Variants in ZNF875 observed in about 807,000 individuals in gnomAD.
The protein encoded by ZNF875 is HKR1, GLI-Kruppel zinc finger family member.
A neutral mutation model predicts 11.2 loss-of-function variants in ZNF875; 14 were observed. That is an observed-to-expected ratio of 1.26 (90% CI 0.83 to 1.96). The LOEUF (loss-of-function observed/expected upper bound fraction) is 1.96, where lower values mean the gene tolerates loss of function less well. Ranked by LOEUF, ZNF875 falls within the 30% of genes most tolerant of loss-of-function variation. The probability of loss-of-function intolerance (pLI) is 0.00; values close to 1 mark genes in which losing one functional copy is unlikely to be tolerated. For synonymous variants in ZNF875, 301 were observed against 281.1 expected (o/e 1.07, Z -0.71); for missense variants, 752 against 760.4 (o/e 0.99, Z 0.13).
chr19:37,362,367 G>T lies in ZNF875; in HGVS notation c.515G>T (p.Gly172Val). ...CTGTTTGGGAGAGTAAGCAAAAATG[G>T]CACTTCAAAGGCACTTTCCAGCCCA... ...RLLFGRVSKN[G>V]TSKALSSPPE... The change falls in exon 5 of 5, where the codon GGC becomes GTC. Residue 172 changes from glycine (G) to valine (V), a missense_variant. Transcript: ENST00000392153. 6.2e-7 allele frequency: 1 copy of T among 1,614,108 alleles called. No homozygotes were observed. Among genetic ancestry groups the T allele is most frequent in the Non-Finnish European group, 8.5e-7 (1 of 1,180,036 alleles).
At chr19:37,332,580 C>T (rs564286377), upstream of ZNF875, among the ~76,000 whole-genome samples, 1 of 152,208 alleles carries the variant, frequency 6.6e-6, no homozygotes, top group South Asian at 2.1e-4. Context: ...TAGCCTCATT[C>T]TACAGGTTTA....
chr19:37,339,869 C>G (rs1600027284), intron 2 of ZNF875, among the ~76,000 whole-genome samples: 1 of 151,502 alleles, frequency 6.6e-6, no homozygotes, highest in Admixed American at 6.6e-5. Context: ...TGGCCCTGAA[C>G]CCTGCCAGTT....
intron 2 of ZNF875, chr19:37,345,011 C>CTAG: frequency 2.3e-6 from 1 of 430,748 alleles, no homozygotes; most frequent in Non-Finnish European, 4.3e-6. Flanking sequence ...TACCCATCAC[C>CTAG]TAGATTCTCA....
chr19:37,344,644 T>C (rs1291720284), intron 2 of ZNF875: 2 of 1,585,860 alleles, frequency 1.3e-6, no homozygotes, highest in Admixed American at 1.7e-5. Flanking sequence ...CCCAAGCTTC[T>C]AGCTGTGTTT....
rs756411178 is a variant in ZNF875 at position 37,362,267 on chromosome 19, C to A, written c.415C>A (p.Gln139Lys). Reference sequence around the variant, plus strand: ...CCTGGGAAAACACTATCCAGAAGATCAGAAACAACAGCAGGATCCATTCTG... The same window carrying A: ...CCTGGGAAAACACTATCCAGAAGATAAGAAACAACAGCAGGATCCATTCTG... ...LHLGKHYPED[Q>K]KQQQDPFCFS... Residue 139 changes from glutamine (Q) to lysine (K), a missense_variant, in exon 5 of 5, where the codon CAG becomes AAG. Transcript: ENST00000392153. 12 of 1,614,164 alleles carry A rather than the reference C, an allele frequency of 7.4e-6. No homozygotes were observed. In the South Asian group the frequency reaches 1.1e-4, roughly 15 times the overall value.
Position 37,363,787 on chromosome 19 carries a change from G to A in ZNF875, c.*12G>A. On this transcript the variant is annotated 3_prime_UTR_variant, in exon 5 of 5. Coordinates refer to ENST00000392153, the MANE Select transcript of ZNF875 (RefSeq NM_001353803.2). Reference sequence around the variant, plus strand: ...CACACTCAGGATAGAAACTTTATGTGTATAGGGAATGTGGTACAGCCTTTA... The same window carrying A: ...CACACTCAGGATAGAAACTTTATGTATATAGGGAATGTGGTACAGCCTTTA... The A allele has an allele frequency of 6.2e-7, 1 of 1,605,812 alleles. No individual in the cohort carries two copies. The highest frequency in any genetic ancestry group is 8.5e-7 in the Non-Finnish European group (1 of 1,172,936).
intron 4 of ZNF875, among the ~76,000 whole-genome samples, chr19:37,350,293 G>T (rs1419863563): frequency 6.6e-6 from 1 of 151,434 alleles, no homozygotes; most frequent in Non-Finnish European, 1.5e-5. Context: ...TGTATTTTTA[G>T]TGTTAGCCAG....
intron 4 of ZNF875, among the ~76,000 whole-genome samples, chr19:37,355,364 G>T (rs568019740): frequency 4.8e-4 from 73 of 151,934 alleles, no homozygotes; most frequent in African/African-American, 1.7e-3. Context: ...TAATTTTTGT[G>T]TTTTTAGTAG....
In ZNF875 at chr19:37,347,138, T is replaced by C. The variant is rs2036950097; in HGVS notation, c.34-52T>C. ...GGCCTTGACCTCTCATTCTAAAGTG[T>C]GGGAGGGAAAGACAGGCTCCTGGGT... On this transcript the variant is annotated intron_variant, in intron 2 of 4. Coordinates refer to ENST00000392153, the MANE Select transcript of ZNF875 (RefSeq NM_001353803.2). 4 of 1,612,020 alleles carry C rather than the reference T, an allele frequency of 2.5e-6. No individual in the cohort carries two copies. The South Asian group carries it at 4.4e-5, about 18-fold the overall frequency.
At chr19:37,319,156 C>T (rs2030760167) in intron 1 of ZNF875, among the ~76,000 whole-genome samples, 1 of 150,940 alleles carries the variant, frequency 6.6e-6, no homozygotes. Context: ...AAGCTATTCT[C>T]CTGCCTCAGC....
upstream of ZNF875, among the ~76,000 whole-genome samples, chr19:37,333,119 C>T (rs745533637): frequency 6.6e-6 from 1 of 152,182 alleles, no homozygotes; most frequent in African/African-American, 2.4e-5. Context: ...CCTGCTGTTA[C>T]ATTATGTTTG....
chr19:37,347,775 A>AG lies in ZNF875; in HGVS notation c.161-1dup. 6.2e-7 allele frequency: 1 copy of AG among 1,603,444 alleles called. No homozygotes were observed. The highest frequency in any genetic ancestry group is 8.5e-7 in the Non-Finnish European group (1 of 1,170,288). On this transcript the variant is annotated splice_acceptor_variant, in intron 3 of 4. Coordinates refer to ENST00000392153, the MANE Select transcript of ZNF875 (RefSeq NM_001353803.2). LOFTEE classifies it high-confidence loss of function. ...TGTCCTCATTTTCTTCCCTATGAAC[A>AG]GAAATTCCATCTTCTAAACCAAAAC...
intron 2 of ZNF875, among the ~76,000 whole-genome samples, chr19:37,336,490 G>A (rs931939729): frequency 2.0e-5 from 3 of 150,300 alleles, no homozygotes; most frequent in East Asian, 2.0e-4. Context: ...TAGTAGAGAC[G>A]GGGTTTCACC....
At chr19:37,340,955 C>A (rs1363193600) in intron 2 of ZNF875, among the ~76,000 whole-genome samples, 2 of 152,114 alleles carry the variant, frequency 1.3e-5, no homozygotes, top group Non-Finnish European at 2.9e-5. Flanking sequence ...GCCTTGTGTA[C>A]TTTTAACTTA....
chr19:37,315,672 T>C (rs1338492811), upstream of ZNF875: 2 of 152,038 alleles, frequency 1.3e-5, no homozygotes, highest in Non-Finnish European at 2.9e-5. Flanking sequence ...AGAAGAAAGT[T>C]TATTTCTGCA....
At chr19:37,348,859 A>AAACT (rs1247086603) in intron 4 of ZNF875, among the ~76,000 whole-genome samples, 1 of 152,208 alleles carries the variant, frequency 6.6e-6, no homozygotes, top group Non-Finnish European at 1.5e-5. Context: ...AGGTAATGCC[A>AAACT]AACTATTCTC....
chr19:37,338,702 G>A (rs2035042352), intron 2 of ZNF875, among the ~76,000 whole-genome samples: 1 of 152,228 alleles, frequency 6.6e-6, no homozygotes, highest in African/African-American at 2.4e-5. Context: ...CACATGAAAT[G>A]TTTGGTGCAT....
chr19:37,347,235 G>T lies in ZNF875; in HGVS notation c.79G>T (p.Glu27Ter). 1 of 1,614,154 alleles carries T rather than the reference G, an allele frequency of 6.2e-7. No individual in the cohort carries two copies. Among genetic ancestry groups the T allele is most frequent in the Non-Finnish European group, 8.5e-7 (1 of 1,180,004 alleles). The change falls in exon 3 of 5, where the codon GAG becomes TAG. Residue 27 changes from glutamate (E) to a stop codon, truncating the protein, a stop_gained. Coordinates refer to ENST00000392153, the MANE Select transcript of ZNF875 (RefSeq NM_001353803.2). LOFTEE classifies it high-confidence loss of function. ...TGTGGCTGTGTACTTCACCCAGGAG[G>T]AGTGGAGGTTGTTGAGCCCTGCTCA... ...RDVAVYFTQE[E>*]WRLLSPAQRT...
At chr19:37,357,926 T>G (rs973865134) in intron 4 of ZNF875, 3 of 398,316 alleles carry the variant, frequency 7.5e-6, no homozygotes, top group Non-Finnish European at 1.3e-5. Flanking sequence ...ATACGAGTGG[T>G]GAGAGCAGAC....
Sources: allele counts gnomAD v4.1 joint callset (sites outside exome capture counted in the v4.1 genomes callset), GRCh38; gene constraint gnomAD v4.1.1; transcripts MANE v1.5; gene names NCBI Gene and HGNC (gene_info 2026-07-23, HGNC 2026-07-21).